Variants in BCL7B observed in about 807,000 individuals in gnomAD.
BCL7B encodes BAF chromatin remodeling complex subunit BCL7B, also known as B-cell CLL/lymphoma 7 protein family member B.
In BCL7B, 11 loss-of-function variants were observed where a neutral mutation model predicts 26.5. The observed-to-expected ratio is 0.42, with a 90% CI of 0.26 to 0.69. The LOEUF (loss-of-function observed/expected upper bound fraction) is 0.69. BCL7B is among the 30% of genes least tolerant of loss of function. The pLI, the probability that BCL7B is intolerant of heterozygous loss-of-function variation, is 0.28. For missense variants in BCL7B, 215 were observed against 264.4 expected (o/e 0.81, Z 1.30); for synonymous variants, 111 against 107.9 (o/e 1.03, Z -0.18).
At chr7:73,547,867 C>T (rs1288391778) in intron 2 of BCL7B, among the ~76,000 whole-genome samples, 2 of 152,234 alleles carry the variant, frequency 1.3e-5, no homozygotes, top group East Asian at 3.9e-4. Context: ...CCTGTTACCC[C>T]AGCACTTTGG....
At chr7:73,548,297 G>A (rs112626335) in intron 2 of BCL7B, among the ~76,000 whole-genome samples, 6,493 of 152,166 alleles carry the variant, frequency 0.043, 186 homozygotes, top group Non-Finnish European at 0.066. Flanking sequence ...GCCTGGTGGT[G>A]TGTGCCTGTA....
At chr7:73,548,323 G>A (rs1554583675) in intron 2 of BCL7B, among the ~76,000 whole-genome samples, 1 of 152,078 alleles carries the variant, frequency 6.6e-6, no homozygotes, top group African/African-American at 2.4e-5. Flanking sequence ...AACTACTCTG[G>A]AGGCTGAGGC....
Position 73,539,924 on chromosome 7 carries a change from C to T in BCL7B, c.394G>A (p.Asp132Asn), listed in dbSNP as rs781901905. 1 of 1,613,994 alleles carries T rather than the reference C, an allele frequency of 6.2e-7. No individual in the cohort carries two copies. Among genetic ancestry groups the T allele is most frequent in the South Asian group, 1.1e-5 (1 of 91,072 alleles). The change falls in exon 4 of 6, where the codon GAT becomes AAT. Residue 132 changes from aspartate (D) to asparagine (N), a missense_variant. Physicochemically the swap from Asp to Asn is conservative, Grantham distance 23. Transcript: ENST00000223368. ...CCCAGCGTTGGGGGCTGGGAGTCATCCGTGCGGAAGTCGGAGGTGTGTGCT... is the reference window on the plus strand; with the variant it reads ...CCCAGCGTTGGGGGCTGGGAGTCATTCGTGCGGAAGTCGGAGGTGTGTGCT... Reference protein sequence around the residue: ...SPAHTSDFRTDDSQPPTLGQE... With the variant: ...SPAHTSDFRTNDSQPPTLGQE...
chr7:73,545,274 A>G (rs1791910792), intron 2 of BCL7B, among the ~76,000 whole-genome samples: 1 of 152,140 alleles, frequency 6.6e-6, no homozygotes, highest in African/African-American at 2.4e-5. Context: ...GTGCCATGGC[A>G]CAATCTCGGC....
intron 1 of BCL7B, 89 bp downstream of exon 1, chr7:73,557,398 C>A (rs13234157): frequency 0.11 from 124,582 of 1,170,022 alleles, 7,387 homozygotes; most frequent in Non-Finnish European, 0.12. Context: ...CAGCGCCGGC[C>A]GGTCGGCTCC....
chr7:73,543,461 A>T, intron 3 of BCL7B, 87 bp downstream of exon 3: 2 of 1,245,742 alleles, frequency 1.6e-6, no homozygotes, highest in Non-Finnish European at 2.3e-6. Context: ...TACAGGTGTG[A>T]GTCACTGCAC....
Position 73,557,542 on chromosome 7 carries a change from G to A in BCL7B, c.37C>T (p.Arg13Trp). ...ACCTTCTTGATGTCGTCCTTGGCCC[G>A]GCTGCGGGTCTCCGCCCGGACCGAC... is the stretch of plus-strand genomic sequence containing the variant. ...GRSVRAETRS[R>W]AKDDIKKVMA... The change falls in exon 1 of 6, where the codon CGG becomes TGG. Residue 13 changes from arginine to tryptophan, a missense_variant. Coordinates refer to ENST00000223368, the MANE Select transcript of BCL7B (RefSeq NM_001707.4). 2 of 1,437,264 alleles carry A rather than the reference G, an allele frequency of 1.4e-6. No homozygotes were observed. The highest frequency in any genetic ancestry group is 2.9e-5 in the South Asian group (2 of 70,164). 89.0% of individuals were successfully genotyped at this position (1,437,264 alleles called of 1,614,324 possible). A position where few individuals can be genotyped will look rare whatever the true frequency, so the allele number is the denominator to read the frequency against.
chr7:73,539,976 G>C lies in BCL7B; in HGVS notation c.342C>G (p.Ser114Arg). 1 of 1,614,090 alleles carries C rather than the reference G, an allele frequency of 6.2e-7. No homozygotes were observed. Among genetic ancestry groups the C allele is most frequent in the African/African-American group, 1.3e-5 (1 of 75,036 alleles). Residue 114 changes from serine (S) to arginine (R), a missense_variant, in exon 4 of 6, where the codon AGC becomes AGG. By Grantham distance (110) the Ser-to-Arg change is moderately radical. Coordinates refer to ENST00000223368, the MANE Select transcript of BCL7B (RefSeq NM_001707.4). ...GGCTCAGGGACTCACTCTGCTGGGGGCTGGGGCTTGAGTTGGTGCTGCTGT... is the reference window on the plus strand; with the variant it reads ...GGCTCAGGGACTCACTCTGCTGGGGCCTGGGGCTTGAGTTGGTGCTGCTGT... ...KVDSSTNSSP[S>R]PQQSESLSPA...
intron 3 of BCL7B, among the ~76,000 whole-genome samples, chr7:73,541,469 T>A (rs964404049): frequency 7.9e-5 from 12 of 151,088 alleles, no homozygotes; most frequent in Non-Finnish European, 1.3e-4. Flanking sequence ...CCAGTACTTT[T>A]TTTTTTTTTT....
intron 3 of BCL7B, 64 bp from the exon 4 acceptor site, chr7:73,540,116 G>A (rs782072045): frequency 1.2e-3 from 1,916 of 1,548,304 alleles, no homozygotes; most frequent in Non-Finnish European, 1.6e-3. Flanking sequence ...AGGAACTCTG[G>A]ACAGAGCCAA....
intron 2 of BCL7B, among the ~76,000 whole-genome samples, chr7:73,544,627 A>G (rs1190097569): frequency 2.0e-5 from 3 of 152,134 alleles, no homozygotes; most frequent in Non-Finnish European, 4.4e-5. Flanking sequence ...CTCCATCTCA[A>G]AAAGAAACAA....
chr7:73,541,731 T>C (rs1791778659), intron 3 of BCL7B, among the ~76,000 whole-genome samples: 1 of 152,106 alleles, frequency 6.6e-6, no homozygotes, highest in Non-Finnish European at 1.5e-5. Context: ...CCTCCCAAAG[T>C]GCTGGGATTA....
chr7:73,543,623 T>G lies in BCL7B; in HGVS notation c.190A>C (p.Ser64Arg). Residue 64 changes from serine (S) to arginine (R), a missense_variant, in exon 3 of 6, where the codon AGT (serine) becomes CGT (arginine). By Grantham distance (110) the Ser-to-Arg change is moderately radical. Transcript: ENST00000223368. ...SKEKEKSKSN[S>R]SAAREPNGFP... Reference sequence around the variant, plus strand: ...CCATTAGGTTCTCGGGCTGCTGAACTGTTCGATTTTGACTTTTCTTTCTAG... The same window carrying G: ...CCATTAGGTTCTCGGGCTGCTGAACGGTTCGATTTTGACTTTTCTTTCTAG... The G allele has an allele frequency of 6.2e-7, 1 of 1,613,582 alleles. No individual in the cohort carries two copies. Among genetic ancestry groups the G allele is most frequent in the South Asian group, 1.1e-5 (1 of 91,062 alleles).
At chr7:73,539,687 G>A (rs1163395522) in intron 4 of BCL7B, 195 bp downstream of exon 4, 2 of 613,546 alleles carry the variant, frequency 3.3e-6, no homozygotes, top group Admixed American at 3.0e-5. Context: ...AGCCTGGCAC[G>A]CAACTCTAAT....
chr7:73,540,097 T>C (rs1791699891), intron 3 of BCL7B, 45 bp from the exon 4 acceptor site: 1 of 1,586,510 alleles, frequency 6.3e-7, no homozygotes, highest in Non-Finnish European at 8.6e-7. Context: ...CGTGGTCATT[T>C]TCCTCAAGAG....
rs370349095 is a variant in BCL7B, at chr7:73,539,085, G to A, written c.436+797C>T. Among the ~76,000 whole-genome samples, 46 of 152,018 alleles carry A rather than the reference G, an allele frequency of 3.0e-4. 1 individual carries two copies. Among genetic ancestry groups the A allele is most frequent in the East Asian group, 1.5e-3 (8 of 5,188 alleles). On this transcript the variant is annotated intron_variant, in intron 4 of 5. Coordinates refer to ENST00000223368, the MANE Select transcript of BCL7B (RefSeq NM_001707.4). ...AGTGATTCTCCTGCCTCAGCCTCCC[G>A]AGTAGCTGGGATTACAGGCTTGCGC...
intron 5 of BCL7B, 77 bp downstream of exon 5, chr7:73,537,857 C>T (rs1487055421): frequency 9.2e-7 from 1 of 1,085,126 alleles, no homozygotes; most frequent in Non-Finnish European, 1.3e-6. Flanking sequence ...CACCACTGCA[C>T]TCTAGTCTGG....
At chr7:73,557,179 C>T in intron 1 of BCL7B, 1 of 1,025,420 alleles carries the variant, frequency 9.8e-7, no homozygotes, top group Non-Finnish European at 1.2e-6. Context: ...GGGCCCCGGG[C>T]TGGGCCGGGC....
chr7:73,557,074 G>C (rs1792387193), intron 1 of BCL7B: 2 of 988,876 alleles, frequency 2.0e-6, no homozygotes, highest in Non-Finnish European at 2.4e-6. Flanking sequence ...AGAGCGCTCA[G>C]CCTGGCGGGC....
Sources: allele counts gnomAD v4.1 joint callset (sites outside exome capture counted in the v4.1 genomes callset), GRCh38; gene constraint gnomAD v4.1.1; transcripts MANE v1.5; gene names NCBI Gene and HGNC (gene_info 2026-07-23, HGNC 2026-07-21).